Variants in NIPBL observed in about 807,000 individuals in gnomAD.
The protein encoded by NIPBL is NIPBL cohesin loading factor, also known as nipped-B-like protein.
A neutral mutation model predicts 321.8 loss-of-function variants in NIPBL; 19 were observed. The observed-to-expected ratio is 0.06, with a 90% CI of 0.04 to 0.09. NIPBL has a LOEUF of 0.09. NIPBL is among the 10% of genes least tolerant of loss of function. The pLI is 1.00. For synonymous variants in NIPBL, 1,106 were observed against 1,114.1 expected (o/e 0.99, Z 0.14); for missense variants, 2,210 against 3,327.0 (o/e 0.66, Z 8.26).
At position 36,985,227 on chromosome 5, in the gene NIPBL, C is replaced by G; in HGVS notation, c.2047C>G (p.Pro683Ala). 2 of 1,613,660 alleles carry G rather than the reference C, an allele frequency of 1.2e-6. No homozygotes were observed. The highest frequency in any genetic ancestry group is 1.7e-6 in the Non-Finnish European group (2 of 1,179,894). The part of the protein sequence containing the change: ...QNENRLSDTK[P>A]NDNKQNNGRS... ...TGAAAATAGACTGTCTGACACAAAA[C>G]CAAATGACAACAAACAAAATAATGG... The change falls in exon 10 of 47, where the codon CCA becomes GCA. Residue 683 changes from proline (P) to alanine (A), a missense_variant. By Grantham distance (27) the Pro-to-Ala change is conservative. Coordinates refer to ENST00000282516, the MANE Select transcript of NIPBL (RefSeq NM_133433.4).
chr5:36,973,758 C>T (rs904518840), intron 8 of NIPBL, among the ~76,000 whole-genome samples: 1 of 152,116 alleles, frequency 6.6e-6, no homozygotes, highest in Admixed American at 6.5e-5. Flanking sequence ...CGTGAGCCAC[C>T]ACACCAGGCT....
rs554219520 is a variant in NIPBL at position 36,938,702 on chromosome 5, A to C, written c.-79-14916A>C. 2.6e-5 allele frequency among the ~76,000 whole-genome samples: 4 copies of C among 152,284 alleles called. No homozygotes were observed. In the South Asian group the frequency reaches 8.3e-4, roughly 32 times the overall value. ...TTTTTAAAATTTTTAATTTTGAAAT[A>C]ATGTAAATCCATAGGAAGTTGGGAA... On this transcript the variant is annotated intron_variant, in intron 1 of 46. Coordinates refer to ENST00000282516, the MANE Select transcript of NIPBL (RefSeq NM_133433.4).
intron 1 of NIPBL, chr5:36,885,760 C>T: frequency 3.3e-6 from 2 of 612,814 alleles, no homozygotes; most frequent in Non-Finnish European, 6.1e-6. Context: ...GTGGGCTCTG[C>T]AAGGTCATTG....
intron 10 of NIPBL, among the ~76,000 whole-genome samples, chr5:36,991,745 G>GTTTT (rs34780358): frequency 7.8e-6 from 1 of 127,568 alleles, no homozygotes; most frequent in Non-Finnish European, 1.7e-5. Flanking sequence ...GCCTGCCCAA[G>GTTTT]TTTTTTTTTT....
At chr5:36,990,197 G>A (rs578178544) in intron 10 of NIPBL, among the ~76,000 whole-genome samples, 3 of 152,296 alleles carry the variant, frequency 2.0e-5, no homozygotes, top group South Asian at 4.1e-4. Context: ...ATAGCGATTA[G>A]CCTATATTGC....
intron 9 of NIPBL, 68 bp from the exon 10 acceptor site, chr5:36,984,608 C>A (rs1198116400): frequency 1.5e-5 from 21 of 1,397,566 alleles, no homozygotes; most frequent in Non-Finnish European, 2.1e-5. Flanking sequence ...AAACAACGTC[C>A]ATAGGGTTTT....
intron 1 of NIPBL, among the ~76,000 whole-genome samples, chr5:36,916,898 C>T (rs566356798): frequency 7.2e-4 from 110 of 152,214 alleles, no homozygotes; most frequent in African/African-American, 2.6e-3. Context: ...TCCAGTCTAT[C>T]ATTGTTGGAC....
At chr5:36,983,419 T>C (rs776834635) in intron 9 of NIPBL, among the ~76,000 whole-genome samples, 2 of 151,882 alleles carry the variant, frequency 1.3e-5, no homozygotes, top group Non-Finnish European at 2.9e-5. Flanking sequence ...CTTTGCTATA[T>C]AGAAGAAGCA....
intron 1 of NIPBL, among the ~76,000 whole-genome samples, chr5:36,922,113 C>T (rs1020615988): frequency 6.6e-6 from 1 of 151,976 alleles, no homozygotes; most frequent in Non-Finnish European, 1.5e-5. Context: ...GTCTTGAACT[C>T]CTGACCTCAG....
chr5:36,884,988 G>A (rs158793), intron 1 of NIPBL, among the ~76,000 whole-genome samples: 20,602 of 152,088 alleles, frequency 0.14, 1,744 homozygotes, highest in East Asian at 0.31. Context: ...CAGTATAATT[G>A]GAGTAAGATA....
chr5:36,893,880 T>C (rs1013857043), intron 1 of NIPBL, among the ~76,000 whole-genome samples: 1 of 152,102 alleles, frequency 6.6e-6, no homozygotes, highest in African/African-American at 2.4e-5. Context: ...GGGTAGGAGA[T>C]AGTGTAAATG....
intron 1 of NIPBL, among the ~76,000 whole-genome samples, chr5:36,945,586 G>C (rs1739579947): frequency 6.6e-6 from 1 of 152,168 alleles, no homozygotes; most frequent in African/African-American, 2.4e-5. Flanking sequence ...TCCAGCGGTG[G>C]CTGCAGAGAG....
intron 38 of NIPBL, 103 bp from the exon 39 acceptor site, chr5:37,048,399 T>A: frequency 3.0e-6 from 2 of 672,406 alleles, no homozygotes; most frequent in South Asian, 3.9e-5. Context: ...AGTTTTAATT[T>A]TTTGAAATAA....
chr5:36,995,478 TAA>T (rs1301141584), intron 10 of NIPBL, 142 bp from the exon 11 acceptor site: 20 of 619,846 alleles, frequency 3.2e-5, no homozygotes, highest in Non-Finnish European at 4.5e-5. Context: ...ACTTTAGGGT[TAA>T]GAGTATTATA....
chr5:36,905,453 A>G (rs988102553), intron 1 of NIPBL, among the ~76,000 whole-genome samples: 27 of 152,214 alleles, frequency 1.8e-4, no homozygotes, highest in African/African-American at 6.5e-4. Flanking sequence ...GGAATATACT[A>G]CCTTCTTAAA....
At chr5:37,038,189 CG>C (rs912799480) in intron 33 of NIPBL, among the ~76,000 whole-genome samples, 2 of 151,960 alleles carry the variant, frequency 1.3e-5, no homozygotes, top group African/African-American at 4.8e-5. Flanking sequence ...GCAGTTTTTG[CG>C]TGTTGTCCAG....
intron 21 of NIPBL, among the ~76,000 whole-genome samples, chr5:37,013,290 C>G (rs1290759970): frequency 1.4e-5 from 2 of 147,936 alleles, no homozygotes; most frequent in Non-Finnish European, 3.0e-5. Flanking sequence ...GCTGGCCAGG[C>G]GGGGGGCTGA....
chr5:36,995,018 G>A (rs925969632), intron 10 of NIPBL: 1 of 152,132 alleles, frequency 6.6e-6, no homozygotes, highest in Admixed American at 6.5e-5. Flanking sequence ...TGTATATATT[G>A]ATTTGTCTGT....
Position 36,876,827 on chromosome 5 carries a change from C to CGGGGGGGGG in NIPBL, c.-431_-430insGGGGGGGGG. ...AGAGACACACACAGGGCTCCTTCCC[C>CGGGGGGGGG]CCGCCCTCCCCCCCCTCCCTCCGTC... On this transcript the variant is annotated 5_prime_UTR_variant, in exon 1 of 47. Transcript: ENST00000282516. The CGGGGGGGGG allele has an allele frequency of 6.0e-6, 1 of 167,524 alleles. No homozygotes were observed. Among genetic ancestry groups the CGGGGGGGGG allele is most frequent in the Non-Finnish European group, 1.2e-5 (1 of 82,244 alleles). The allele number at this position is 167,524 out of a possible 1,614,324, so 10.4% of individuals were successfully genotyped here.
Sources: gnomAD v4.1 joint callset for allele counts (sites outside exome capture counted in the v4.1 genomes callset) on GRCh38, gnomAD v4.1.1 for gene constraint, MANE v1.5 for transcripts, NCBI Gene and HGNC (gene_info 2026-07-23, HGNC 2026-07-21) for gene names.